PPP2R3A: variants seen among roughly 807,000 people sequenced by gnomAD.
PPP2R3A encodes the protein protein phosphatase 2 regulatory subunit B''alpha.
Under a neutral mutation model 106.9 loss-of-function variants are expected in PPP2R3A, and 80 were observed. That is an observed-to-expected ratio of 0.75 (90% CI 0.62 to 0.90). The LOEUF is 0.90. PPP2R3A is among the 40% of genes least tolerant of loss of function. The pLI is 0.00. For missense variants in PPP2R3A, 1,386 were observed against 1,350.4 expected (o/e 1.03, Z -0.41); for synonymous variants, 483 against 468.3 (o/e 1.03, Z -0.41).
chr3:136,002,544 A>C lies in PPP2R3A; in HGVS notation c.1046A>C (p.Gln349Pro), dbSNP rs1424882427. The C allele has an allele frequency of 1.2e-6, 2 of 1,614,028 alleles. No individual in the cohort carries two copies. Among genetic ancestry groups the C allele is most frequent in the Non-Finnish European group, 8.5e-7 (1 of 1,179,938 alleles). The change falls in exon 2 of 14, where the codon CAA becomes CCA. Residue 349 changes from glutamine (Q) to proline (P), a missense_variant. Coordinates refer to ENST00000264977, the MANE Select transcript of PPP2R3A (RefSeq NM_002718.5). ...QLSASDSGRFQTIELQNDKPN... is the reference protein window; with the variant it reads ...QLSASDSGRFPTIELQNDKPN... ...TCAGCTTCTGACTCTGGACGATTTCAAACTATTGAATTGCAAAATGACAAG... is the reference window on the plus strand; with the variant it reads ...TCAGCTTCTGACTCTGGACGATTTCCAACTATTGAATTGCAAAATGACAAG...
chr3:135,972,125 G>GC (rs1937265219), intron 1 of PPP2R3A, among the ~76,000 whole-genome samples: 1 of 152,148 alleles, frequency 6.6e-6, no homozygotes, highest in Non-Finnish European at 1.5e-5. Flanking sequence ...GCAGTCACTC[G>GC]CCATTCCCCT....
chr3:136,082,581 T>A (rs929620229), intron 8 of PPP2R3A, among the ~76,000 whole-genome samples, 160 bp downstream of exon 8: 1 of 152,222 alleles, frequency 6.6e-6, no homozygotes, highest in Non-Finnish European at 1.5e-5. Flanking sequence ...GATAATATAA[T>A]TTTTTATTAA....
intron 4 of PPP2R3A, among the ~76,000 whole-genome samples, chr3:136,041,623 A>G (rs2107847276): frequency 6.6e-6 from 1 of 152,088 alleles, no homozygotes; most frequent in African/African-American, 2.4e-5. Context: ...ACTCCCCTTT[A>G]TGGGGGGCAA....
At chr3:135,993,138 C>T (rs1933245695) in intron 1 of PPP2R3A, among the ~76,000 whole-genome samples, 1 of 152,016 alleles carries the variant, frequency 6.6e-6, no homozygotes, top group South Asian at 2.1e-4. Context: ...TCTTCAAAAG[C>T]CACTGCTAAG....
intron 1 of PPP2R3A, among the ~76,000 whole-genome samples, chr3:135,978,561 A>C (rs1937483910): frequency 6.6e-6 from 1 of 151,694 alleles, no homozygotes; most frequent in Non-Finnish European, 1.5e-5. Context: ...AAATGTGAAG[A>C]AGAAAAAATA....
At chr3:136,071,866 T>C (rs960290223) in intron 6 of PPP2R3A, among the ~76,000 whole-genome samples, 1 of 152,188 alleles carries the variant, frequency 6.6e-6, no homozygotes, top group African/African-American at 2.4e-5. Context: ...GCTTTGTTCT[T>C]CCTCTTTCCT....
At chr3:136,070,811 G>GT (rs1445621007) in intron 6 of PPP2R3A, among the ~76,000 whole-genome samples, 1 of 151,984 alleles carries the variant, frequency 6.6e-6, no homozygotes, top group Non-Finnish European at 1.5e-5. Flanking sequence ...CTTTTTCTGT[G>GT]TTATGAATAT....
chr3:136,028,309 G>A (rs1398706207), intron 3 of PPP2R3A, among the ~76,000 whole-genome samples: 1 of 152,212 alleles, frequency 6.6e-6, no homozygotes, highest in Non-Finnish European at 1.5e-5. Context: ...TGTAACTAGA[G>A]TGATTTTAAA....
At chr3:136,106,120 G>A in intron 12 of PPP2R3A, 96 bp from the exon 13 acceptor site, 1 of 992,964 alleles carries the variant, frequency 1.0e-6, no homozygotes, top group Non-Finnish European at 1.5e-6. Flanking sequence ...TTTTCAGGTA[G>A]GATTTTTTCA....
chr3:136,002,216 T>C lies in PPP2R3A; in HGVS notation c.718T>C (p.Ser240Pro). 2 of 1,613,664 alleles carry C rather than the reference T, an allele frequency of 1.2e-6. No homozygotes were observed. Among genetic ancestry groups the C allele is most frequent in the South Asian group, 1.1e-5 (1 of 91,012 alleles). ...KMCLDILLKC[S>P]EDLKKCTDII... ...GTGCTTGGACATCTTATTGAAATGC[T>C]CCGAGGATTTAAAAAAATGCACAGA... Residue 240 changes from serine (S) to proline (P), a missense_variant, in exon 2 of 14, where the codon TCC becomes CCC. Coordinates refer to ENST00000264977, the MANE Select transcript of PPP2R3A (RefSeq NM_002718.5).
rs771436729 is a variant in PPP2R3A at position 136,139,706 on chromosome 3, AAAAG to A, written c.3330-5335_3330-5332del. Among the ~76,000 whole-genome samples, 719 of 149,960 alleles carry A rather than the reference AAAAG, an allele frequency of 4.8e-3. 11 individuals are homozygous for A. The highest frequency in any genetic ancestry group is 0.01 in the Middle Eastern group (3 of 292). ...GACTCCATCTCAAAAAAAAAAAAAA[AAAAG>A]AGTTTGTTCTCAGCTGGGCATGGTG... On this transcript the variant is annotated intron_variant, in intron 13 of 13. Transcript: ENST00000264977.
chr3:136,088,543 T>C (rs1937016748), intron 9 of PPP2R3A, among the ~76,000 whole-genome samples: 1 of 152,206 alleles, frequency 6.6e-6, no homozygotes, highest in Non-Finnish European at 1.5e-5. Flanking sequence ...TTGTGAATAG[T>C]GCTGGATAAA....
chr3:136,023,247 GAAAA>G, intron 2 of PPP2R3A: 5 of 1,545,880 alleles, frequency 3.2e-6, no homozygotes, highest in Non-Finnish European at 4.4e-6. Flanking sequence ...GTTTTGTTTT[GAAAA>G]TATTTTTATT....
intron 1 of PPP2R3A, among the ~76,000 whole-genome samples, chr3:135,989,197 T>C (rs1337147668): frequency 6.6e-6 from 1 of 152,120 alleles, no homozygotes; most frequent in Non-Finnish European, 1.5e-5. Flanking sequence ...CAAGCACAGT[T>C]TTTAACCCAC....
At chr3:136,022,576 C>G (rs1934503421) in intron 2 of PPP2R3A, among the ~76,000 whole-genome samples, 1 of 152,042 alleles carries the variant, frequency 6.6e-6, no homozygotes, top group Non-Finnish European at 1.5e-5. Context: ...CGAAAATGTT[C>G]TACATACTCT....
At chr3:136,013,231 A>C (rs927186385) in intron 2 of PPP2R3A, among the ~76,000 whole-genome samples, 15 of 146,550 alleles carry the variant, frequency 1.0e-4, no homozygotes, top group African/African-American at 3.8e-4. Flanking sequence ...TGTATGTATC[A>C]CATTTTGTTT....
chr3:136,039,411 C>T (rs546996185), intron 3 of PPP2R3A, among the ~76,000 whole-genome samples: 6 of 152,258 alleles, frequency 3.9e-5, no homozygotes, highest in Admixed American at 6.5e-5. Flanking sequence ...CTTACAGCAG[C>T]GGTCCCCAAC....
chr3:136,104,049 A>T (rs1015713393), intron 12 of PPP2R3A, among the ~76,000 whole-genome samples: 5 of 152,228 alleles, frequency 3.3e-5, no homozygotes, highest in Admixed American at 6.5e-5. Flanking sequence ...AGACTGTTGC[A>T]GTTGAGTAAC....
At chr3:136,140,729 C>G (rs886580605) in intron 13 of PPP2R3A, among the ~76,000 whole-genome samples, 2 of 139,830 alleles carry the variant, frequency 1.4e-5, no homozygotes, top group Non-Finnish European at 3.1e-5. Context: ...GCCTGGGCAA[C>G]AAGAACAAAA....
Sources: allele counts gnomAD v4.1 joint callset (sites outside exome capture counted in the v4.1 genomes callset), GRCh38; gene constraint gnomAD v4.1.1; transcripts MANE v1.5; gene names NCBI Gene and HGNC (gene_info 2026-07-23, HGNC 2026-07-21).